MMD: variants seen among roughly 807,000 people sequenced by gnomAD.
MMD encodes monocyte to macrophage differentiation associated.
In MMD, 22 loss-of-function variants were observed where a neutral mutation model predicts 33.6. The observed-to-expected ratio is 0.66, with a 90% CI of 0.47 to 0.94. The LOEUF (loss-of-function observed/expected upper bound fraction) is 0.94. Among genes scored for constraint, MMD ranks in the 40% least tolerant of loss-of-function variants. MMD has a pLI of 0.00. For synonymous variants in MMD, 97 were observed against 103.2 expected, an observed-to-expected ratio of 0.94 and a Z score of 0.36; for missense variants, 242 against 309.8, an observed-to-expected ratio of 0.78 and a Z score of 1.64.
At chr17:55,415,161 C>T (rs138644804) in intron 1 of MMD, among the ~76,000 whole-genome samples, 163 of 152,022 alleles carry the variant, frequency 1.1e-3, no homozygotes, top group African/African-American at 3.9e-3. Context: ...ATACCCACAA[C>T]AGGTTTCATG....
chr17:55,414,610 GA>G (rs138533495), intron 1 of MMD, among the ~76,000 whole-genome samples: 3,068 of 124,950 alleles, frequency 0.025, 89 homozygotes, highest in African/African-American at 0.085. Context: ...GGTACAACTA[GA>G]AAAAAAAAAC....
chr17:55,403,003 C>T (rs899958313), intron 5 of MMD, among the ~76,000 whole-genome samples: 6 of 152,106 alleles, frequency 3.9e-5, no homozygotes, highest in Non-Finnish European at 7.4e-5. Flanking sequence ...TAAATAAACC[C>T]AATGACAAAG....
intron 6 of MMD, among the ~76,000 whole-genome samples, chr17:55,395,335 T>C (rs1265463305): frequency 6.6e-6 from 1 of 152,080 alleles, no homozygotes; most frequent in Non-Finnish European, 1.5e-5. Flanking sequence ...AACAAGTTAG[T>C]CCCCTGGATT....
intron 6 of MMD, among the ~76,000 whole-genome samples, chr17:55,398,481 C>T (rs1410097982): frequency 6.6e-6 from 1 of 151,514 alleles, no homozygotes; most frequent in African/African-American, 2.4e-5. Context: ...ATCTGTTTTC[C>T]CTTAGGTATG....
chr17:55,414,498 C>T (rs1289700994), intron 1 of MMD, among the ~76,000 whole-genome samples: 1 of 148,466 alleles, frequency 6.7e-6, no homozygotes, highest in Non-Finnish European at 1.5e-5. Context: ...CAAACTTCTA[C>T]AACCAAAAGC....
chr17:55,418,216 A>G (rs1034975648), intron 1 of MMD, among the ~76,000 whole-genome samples: 8 of 152,196 alleles, frequency 5.3e-5, no homozygotes, highest in Non-Finnish European at 8.8e-5. Flanking sequence ...CTATGTCACA[A>G]TTGGTAAGAC....
At chr17:55,418,741 C>T (rs1042965824) in intron 1 of MMD, among the ~76,000 whole-genome samples, 12 of 152,150 alleles carry the variant, frequency 7.9e-5, no homozygotes, top group African/African-American at 2.7e-4. Context: ...TGATTTAGTG[C>T]TTTAAGAACA....
At position 55,407,842 on chromosome 17, in the gene MMD, T is replaced by A. The variant is rs777569998; in HGVS notation, c.270-22A>T. On this transcript the variant is annotated intron_variant, in intron 3 of 6. Transcript: ENST00000262065. ...TGTCCTAGCGAGGGGGAAAAAAAAG[T>A]AAATTTGTCAGAAAGTGTTCAGATG... 6 of 1,525,212 alleles carry A rather than the reference T, an allele frequency of 3.9e-6. No individual in the cohort carries two copies. In the East Asian group the frequency reaches 1.4e-4, roughly 37 times the overall value. The allele number at this position is 1,525,212 out of a possible 1,614,324, so 94.5% of individuals were successfully genotyped here. A position where few individuals can be genotyped will look rare whatever the true frequency, so the allele number is the denominator to read the frequency against.
intron 6 of MMD, among the ~76,000 whole-genome samples, chr17:55,397,629 G>A (rs1387061045): frequency 6.6e-6 from 1 of 151,644 alleles, no homozygotes; most frequent in Non-Finnish European, 1.5e-5. Context: ...CCACCTCTTG[G>A]GTTCAGGCGA....
At chr17:55,413,318 T>TTTTTGATTTCAGGAAGAA (rs1907835482) in intron 2 of MMD, among the ~76,000 whole-genome samples, 2 of 151,984 alleles carry the variant, frequency 1.3e-5, no homozygotes, top group Admixed American at 1.3e-4. Context: ...TATTTTTCCC[T>TTTTTGATTTCAGGAAGAA]CAATGTCACT....
At position 55,421,822 on chromosome 17, in the gene MMD, G is replaced by C; in HGVS notation, c.-127C>G. ...CGTGTCCAGCGGAACCCTTCGGCCG[G>C]GTAGGGTCGGAGTGGGCCAGGCCGG... On this transcript the variant is annotated 5_prime_UTR_variant, in exon 1 of 7. Coordinates refer to ENST00000262065, the MANE Select transcript of MMD (RefSeq NM_012329.3). 3 of 1,166,356 alleles carry C rather than the reference G, an allele frequency of 2.6e-6. No individual in the cohort carries two copies. Among genetic ancestry groups the C allele is most frequent in the South Asian group, 3.3e-5 (2 of 61,462 alleles). 72.3% of individuals were successfully genotyped at this position (1,166,356 alleles called of 1,614,324 possible). A position where few individuals can be genotyped will look rare whatever the true frequency, so the allele number is the denominator to read the frequency against.
chr17:55,410,075 A>G lies in MMD; in HGVS notation c.269+1182T>C, dbSNP rs141186279. Among the ~76,000 whole-genome samples the G allele has an allele frequency of 2.3e-3, 357 of 152,340 alleles. 1 individual carries two copies. Among genetic ancestry groups the G allele is most frequent in the African/African-American group, 8.4e-3 (350 of 41,580 alleles). On this transcript the variant is annotated intron_variant, in intron 3 of 6. Transcript: ENST00000262065. The stretch of plus-strand genomic sequence containing the variant: ...TATTGTAAAAGATATGGTGAAAAAA[A>G]CTAGGACTTGGAGTCAGAGGTCTTG...
At chr17:55,403,288 G>A (rs145118820) in intron 5 of MMD, among the ~76,000 whole-genome samples, 2 of 152,302 alleles carry the variant, frequency 1.3e-5, no homozygotes, top group Non-Finnish European at 2.9e-5. Flanking sequence ...CTGTGCCCTA[G>A]GGATAGGATA....
chr17:55,413,356 G>A (rs1222419695), intron 2 of MMD, among the ~76,000 whole-genome samples: 1 of 151,984 alleles, frequency 6.6e-6, no homozygotes, highest in Non-Finnish European at 1.5e-5. Flanking sequence ...GAAACCACAG[G>A]TAAAGTAAAA....
chr17:55,406,271 T>G (rs1907540810), intron 4 of MMD, among the ~76,000 whole-genome samples: 1 of 152,172 alleles, frequency 6.6e-6, no homozygotes, highest in Non-Finnish European at 1.5e-5. Flanking sequence ...GGCACATGCC[T>G]GTAGCCCCAG....
rs775286901 is a variant in MMD at position 55,411,342 on chromosome 17, C to A, written c.184G>T (p.Ala62Ser). 6.2e-7 allele frequency: 1 copy of A among 1,614,012 alleles called. No individual in the cohort carries two copies. Among genetic ancestry groups the A allele is most frequent in the Admixed American group, 1.7e-5 (1 of 59,998 alleles). ...LSDDCWEKIT[A>S]WIYGMGLCAL... ...CAGAGTCCCATTCCATAAATCCATG[C>A]TGTTATCTTTTCCCAGCAGTCATCA... is the stretch of plus-strand genomic sequence containing the variant. The change falls in exon 3 of 7, where the codon GCA becomes TCA. Residue 62 changes from alanine (A) to serine (S), a missense_variant. Transcript: ENST00000262065.
intron 4 of MMD, chr17:55,404,594 T>C: frequency 1.0e-6 from 1 of 985,346 alleles, no homozygotes; most frequent in Non-Finnish European, 1.2e-6. Context: ...AGTGGATACC[T>C]AATACACAAA....
At chr17:55,407,872 G>A (rs2143141399) in intron 3 of MMD, 52 bp from the exon 4 acceptor site, 1 of 1,326,828 alleles carries the variant, frequency 7.5e-7, no homozygotes, top group Non-Finnish European at 1.0e-6. Context: ...CAGATGGGAA[G>A]TACGGGTTAT....
At position 55,411,363 on chromosome 17, in the gene MMD, C is replaced by T. The variant is rs1907755085; in HGVS notation, c.163G>A (p.Asp55Asn). The change falls in exon 3 of 7, where the codon GAC becomes AAC. Residue 55 changes from aspartate (D) to asparagine (N), a missense_variant. Physicochemically the swap from Asp to Asn is conservative, Grantham distance 23. Transcript: ENST00000262065. ...GSALLHRLSD[D>N]CWEKITAWIY... ...CATGCTGTTATCTTTTCCCAGCAGT[C>T]ATCAGACAGCCGATGGAGGAGGGCA... The T allele has an allele frequency of 6.2e-7, 1 of 1,613,880 alleles. No individual in the cohort carries two copies. The highest frequency in any genetic ancestry group is 1.1e-5 in the South Asian group (1 of 91,078).
Sources: allele counts gnomAD v4.1 joint callset (sites outside exome capture counted in the v4.1 genomes callset), GRCh38; gene constraint gnomAD v4.1.1; transcripts MANE v1.5; gene names NCBI Gene and HGNC (gene_info 2026-07-23, HGNC 2026-07-21).